The following RFTN1 variants were observed in gnomAD, a reference collection of about 807,000 sequenced individuals.
RFTN1 encodes the protein raftlin.
Under a neutral mutation model 46.5 loss-of-function variants are expected in RFTN1, and 26 were observed. The ratio of observed to expected loss-of-function variants is 0.56; its 90% CI spans 0.41 to 0.78. The LOEUF (loss-of-function observed/expected upper bound fraction) is 0.78. RFTN1 is among the 30% of genes least tolerant of loss of function. The pLI is 0.00. For missense variants in RFTN1, 693 were observed against 718.7 expected, an observed-to-expected ratio of 0.96 and a Z score of 0.41; for synonymous variants, 261 against 284.2, an observed-to-expected ratio of 0.92 and a Z score of 0.82.
chr3:16,318,819 T>C (rs2068721287), intron 9 of RFTN1, among the ~76,000 whole-genome samples: 1 of 152,250 alleles, frequency 6.6e-6, no homozygotes, highest in Admixed American at 6.5e-5. Flanking sequence ...TGTCTCGTAC[T>C]GTAGCTGACA....
chr3:16,435,195 T>C (rs2075479085), intron 2 of RFTN1, among the ~76,000 whole-genome samples: 1 of 152,218 alleles, frequency 6.6e-6, no homozygotes, highest in Admixed American at 6.5e-5. Context: ...AACAGGTCTA[T>C]ATATTTCCCT....
Position 16,451,039 on chromosome 3 carries a change from G to C in RFTN1, c.146-17002C>G, listed in dbSNP as rs73816487. Among the ~76,000 whole-genome samples the C allele has an allele frequency of 0.031, 4,729 of 152,204 alleles. 251 individuals are homozygous for C. The highest frequency in any genetic ancestry group is 0.11 in the African/African-American group (4,438 of 41,482). ...CTGGGGATAGAAAACGGAGGCTCAC[G>C]TACCTGTGCATAAATGCTCACTAAG... is the stretch of plus-strand genomic sequence containing the variant. On this transcript the variant is annotated intron_variant, in intron 2 of 9. Coordinates refer to ENST00000334133, the MANE Select transcript of RFTN1 (RefSeq NM_015150.2). The surrounding 1 kb of genome is among the most constrained non-coding windows in gnomAD (Gnocchi z 4.2).
chr3:16,319,855 A>G (rs563473966), intron 9 of RFTN1, among the ~76,000 whole-genome samples: 10 of 152,206 alleles, frequency 6.6e-5, no homozygotes, highest in Non-Finnish European at 1.5e-4. Flanking sequence ...TGACATCCAC[A>G]CCACTTAAAG....
In RFTN1 at chr3:16,400,276, C is replaced by A. The variant is rs1007499645; in HGVS notation, c.441+9099G>T. Among the ~76,000 whole-genome samples the A allele has an allele frequency of 6.6e-6, 1 of 152,214 alleles. No homozygotes were observed. The highest frequency in any genetic ancestry group is 1.9e-4 in the East Asian group (1 of 5,202). On this transcript the variant is annotated intron_variant, in intron 4 of 9. Transcript: ENST00000334133. This position sits in a 1 kb window ranked among gnomAD's most constrained non-coding sequence, Gnocchi z 4.5. ...CCAAACTTACTCCCTCCCACCTTGG[C>A]TTTGTCTGAGCTGCTCCAGGAGTCC...
Position 16,353,104 on chromosome 3 carries a change from G to T in RFTN1, c.1146+4828C>A, listed in dbSNP as rs896872569. Reference sequence around the variant, plus strand: ...ACTGTGAGACATGAGAAAGAGCTGGGCAGGGACGTTTTGTGGTCGGAGAGC... The same window carrying T: ...ACTGTGAGACATGAGAAAGAGCTGGTCAGGGACGTTTTGTGGTCGGAGAGC... On this transcript the variant is annotated intron_variant, in intron 7 of 9. Transcript: ENST00000334133. This position sits in a 1 kb window ranked among gnomAD's most constrained non-coding sequence, Gnocchi z 5.4. 4.6e-5 allele frequency among the ~76,000 whole-genome samples: 7 copies of T among 152,182 alleles called. No homozygotes were observed. Among genetic ancestry groups the T allele is most frequent in the African/African-American group, 1.7e-4 (7 of 41,440 alleles).
At chr3:16,409,326 G>T in intron 4 of RFTN1, 49 bp downstream of exon 4, 1 of 1,270,980 alleles carries the variant, frequency 7.9e-7, no homozygotes, top group South Asian at 1.2e-5. Context: ...TGTTCACTCA[G>T]GGGAACACTC....
chr3:16,491,860 C>T (rs1013341771), intron 2 of RFTN1, among the ~76,000 whole-genome samples: 11 of 152,124 alleles, frequency 7.2e-5, no homozygotes, highest in African/African-American at 2.7e-4. Flanking sequence ...TCTTGATATA[C>T]TTCTTTTCAA....
intron 2 of RFTN1, among the ~76,000 whole-genome samples, chr3:16,462,165 C>G (rs1559358956): frequency 1.3e-5 from 2 of 152,226 alleles, no homozygotes; most frequent in African/African-American, 2.4e-5. Context: ...CCTTGCCAAG[C>G]CTGAGTCCTC....
rs565028598 is a variant in RFTN1 at position 16,468,381 on chromosome 3, A to G, written c.145+25344T>C. Among the ~76,000 whole-genome samples the G allele has an allele frequency of 6.6e-6, 1 of 152,236 alleles. No homozygotes were observed. The highest frequency in any genetic ancestry group is 2.1e-4 in the South Asian group (1 of 4,824). Reference sequence around the variant, plus strand: ...GCTCCCTTAGATGCTGTCTGCCTATACCCCATGACTGTCAAAAATGTCCCC... The same window carrying G: ...GCTCCCTTAGATGCTGTCTGCCTATGCCCCATGACTGTCAAAAATGTCCCC... On this transcript the variant is annotated intron_variant, in intron 2 of 9. Coordinates refer to ENST00000334133, the MANE Select transcript of RFTN1 (RefSeq NM_015150.2). The surrounding 1 kb of genome is among the most constrained non-coding windows in gnomAD (Gnocchi z 4.4).
At position 16,422,195 on chromosome 3, in the gene RFTN1, T is replaced by G. The variant is rs1433358527; in HGVS notation, c.332+11656A>C. On this transcript the variant is annotated intron_variant, in intron 3 of 9. Coordinates refer to ENST00000334133, the MANE Select transcript of RFTN1 (RefSeq NM_015150.2). This position sits in a 1 kb window ranked among gnomAD's most constrained non-coding sequence, Gnocchi z 4.6. The stretch of plus-strand genomic sequence containing the variant: ...ATAATAATATTGAACATTATGTTCT[T>G]GAAAACACAAGGTGGAAATTCTTCT... Among the ~76,000 whole-genome samples, 1 of 152,250 alleles carries G rather than the reference T, an allele frequency of 6.6e-6. No homozygotes were observed. Among genetic ancestry groups the G allele is most frequent in the Admixed American group, 6.5e-5 (1 of 15,286 alleles).
rs2070039187 is a variant in RFTN1 at position 16,329,176 on chromosome 3, C to T, written c.1147-2300G>A. Among the ~76,000 whole-genome samples, 2 of 152,208 alleles carry T rather than the reference C, an allele frequency of 1.3e-5. No homozygotes were observed. Among genetic ancestry groups the T allele is most frequent in the Admixed American group, 1.3e-4 (2 of 15,288 alleles). ...CTCTCCCCTCTTTTCTGCGCTTCCG[C>T]CTCGGGATGACGCAGCAAGAAGGCC... On this transcript the variant is annotated intron_variant, in intron 7 of 9. Transcript: ENST00000334133. This position sits in a 1 kb window ranked among gnomAD's most constrained non-coding sequence, Gnocchi z 4.5.
rs911115238 is a variant in RFTN1, at chr3:16,452,446, T to C, written c.146-18409A>G. Among the ~76,000 whole-genome samples, 4 of 152,204 alleles carry C rather than the reference T, an allele frequency of 2.6e-5. No homozygotes were observed. Among genetic ancestry groups the C allele is most frequent in the Admixed American group, 6.5e-5 (1 of 15,280 alleles). On this transcript the variant is annotated intron_variant, in intron 2 of 9. Transcript: ENST00000334133. The surrounding 1 kb of genome is among the most constrained non-coding windows in gnomAD (Gnocchi z 6.3). ...GCTTAGCTACTGTATCATGGGTTTA[T>C]GCCAAAAGATGACGCAGAGCTAGTC...
rs2074094856 is a variant in RFTN1, at chr3:16,384,376, T to C, written c.442-6274A>G. ...CTCTAAATCTAAACCTGACTAGGCA[T>C]GAAATAAAAGTTCGGTACAGGCTCC... On this transcript the variant is annotated intron_variant, in intron 4 of 9. Coordinates refer to ENST00000334133, the MANE Select transcript of RFTN1 (RefSeq NM_015150.2). The surrounding 1 kb of genome is among the most constrained non-coding windows in gnomAD (Gnocchi z 4.7). Among the ~76,000 whole-genome samples the C allele has an allele frequency of 6.6e-6, 1 of 152,214 alleles. No homozygotes were observed. Among genetic ancestry groups the C allele is most frequent in the Non-Finnish European group, 1.5e-5 (1 of 68,046 alleles).
Position 16,425,161 on chromosome 3 carries a change from G to A in RFTN1, c.332+8690C>T, listed in dbSNP as rs1291487532. Among the ~76,000 whole-genome samples, 1 of 152,118 alleles carries A rather than the reference G, an allele frequency of 6.6e-6. No individual in the cohort carries two copies. The highest frequency in any genetic ancestry group is 1.5e-5 in the Non-Finnish European group (1 of 68,014). On this transcript the variant is annotated intron_variant, in intron 3 of 9. Coordinates refer to ENST00000334133, the MANE Select transcript of RFTN1 (RefSeq NM_015150.2). The surrounding 1 kb of genome is among the most constrained non-coding windows in gnomAD (Gnocchi z 4.3). ...CTAAATTACCTACACTTATGCATACGATTCTCAAAATCATGTCCCTGTAGT... is the reference window on the plus strand; with the variant it reads ...CTAAATTACCTACACTTATGCATACAATTCTCAAAATCATGTCCCTGTAGT...
Position 16,345,726 on chromosome 3 carries a change from T to G in RFTN1, c.1146+12206A>C, listed in dbSNP as rs1320577137. Among the ~76,000 whole-genome samples the G allele has an allele frequency of 1.3e-5, 2 of 151,782 alleles. No homozygotes were observed. Among genetic ancestry groups the G allele is most frequent in the Admixed American group, 6.6e-5 (1 of 15,248 alleles). On this transcript the variant is annotated intron_variant, in intron 7 of 9. Transcript: ENST00000334133. The surrounding 1 kb of genome is among the most constrained non-coding windows in gnomAD (Gnocchi z 5.2). ...CTTTCCTGGGTCTCCAGCTTGCAGA[T>G]AGCAGACTGTGGGACTCCTCAGCCT...
At chr3:16,358,829 C>G (rs779745421) in intron 6 of RFTN1, among the ~76,000 whole-genome samples, 1 of 151,874 alleles carries the variant, frequency 6.6e-6, no homozygotes, top group African/African-American at 2.4e-5. Flanking sequence ...CTCAGGAGTT[C>G]GAGACCAGCC....
At chr3:16,340,343 A>T (rs571458250) in intron 7 of RFTN1, among the ~76,000 whole-genome samples, 1 of 152,380 alleles carries the variant, frequency 6.6e-6, no homozygotes, top group Non-Finnish European at 1.5e-5. Flanking sequence ...TCCTGTGAAG[A>T]GGTTCAGGTT....
In RFTN1 at chr3:16,512,406, T is replaced by C. The variant is rs1441696198; in HGVS notation, c.-9+1036A>G. ...AAACTGGGGTGACCACTGACAGAGATTGAGCCAGACTTTTTTTTTAAAAAA... is the reference window on the plus strand; with the variant it reads ...AAACTGGGGTGACCACTGACAGAGACTGAGCCAGACTTTTTTTTTAAAAAA... On this transcript the variant is annotated intron_variant, in intron 1 of 9. Coordinates refer to ENST00000334133, the MANE Select transcript of RFTN1 (RefSeq NM_015150.2). This position sits in a 1 kb window ranked among gnomAD's most constrained non-coding sequence, Gnocchi z 4.3. Among the ~76,000 whole-genome samples, 1 of 135,094 alleles carries C rather than the reference T, an allele frequency of 7.4e-6. No individual in the cohort carries two copies. Among genetic ancestry groups the C allele is most frequent in the East Asian group, 2.1e-4 (1 of 4,692 alleles). The allele number at this position is 135,094 out of a possible 152,430, so 88.6% of individuals were successfully genotyped here.
In RFTN1 at chr3:16,447,496, G is replaced by A. The variant is rs140141154; in HGVS notation, c.146-13459C>T. ...CTATTTTTTGCCTATGTAAGAGATG[G>A]CATTTAGGATGCCTTGGGATTCTGC... On this transcript the variant is annotated intron_variant, in intron 2 of 9. Coordinates refer to ENST00000334133, the MANE Select transcript of RFTN1 (RefSeq NM_015150.2). The surrounding 1 kb of genome is among the most constrained non-coding windows in gnomAD (Gnocchi z 5.9). Among the ~76,000 whole-genome samples the A allele has an allele frequency of 2.6e-5, 4 of 152,322 alleles. No individual in the cohort carries two copies. Among genetic ancestry groups the A allele is most frequent in the African/African-American group, 9.6e-5 (4 of 41,574 alleles).
Sources: gnomAD v4.1 joint callset for allele counts (sites outside exome capture counted in the v4.1 genomes callset) on GRCh38, gnomAD v4.1.1 for gene constraint, Gnocchi (gnomAD v3.1) non-coding constraint, MANE v1.5 for transcripts, NCBI Gene and HGNC (gene_info 2026-07-23, HGNC 2026-07-21) for gene names.